SYN2: variants seen among roughly 807,000 people sequenced by gnomAD.
The protein encoded by SYN2 is synapsin II, also known as synapsin-2.
SYN2 carries 19 observed loss-of-function variants against 50.9 expected under a neutral mutation model. That is an observed-to-expected ratio of 0.37 (90% confidence interval 0.26 to 0.55). SYN2 has a LOEUF of 0.55. Among genes scored for constraint, SYN2 ranks in the 20% least tolerant of loss-of-function variants. SYN2 has a pLI of 0.81. For missense variants in SYN2, 587 were observed against 576.4 expected (o/e 1.02, Z -0.19); for synonymous variants, 255 against 224.9 (o/e 1.13, Z -1.20).
chr3:12,085,914 A>T (rs1695690981), intron 1 of SYN2, among the ~76,000 whole-genome samples: 1 of 152,118 alleles, frequency 6.6e-6, no homozygotes, highest in African/African-American at 2.4e-5. Context: ...AGAAATAGAT[A>T]AAATAGAGAC....
chr3:12,188,472 C>G (rs1014993019), intron 12 of SYN2, among the ~76,000 whole-genome samples: 1 of 152,206 alleles, frequency 6.6e-6, no homozygotes, highest in African/African-American at 2.4e-5. Context: ...GTGATACACC[C>G]CTGCTTCTCA....
intron 1 of SYN2, among the ~76,000 whole-genome samples, chr3:12,098,939 A>G (rs571208699): frequency 6.6e-6 from 1 of 151,176 alleles, no homozygotes; most frequent in African/African-American, 2.4e-5. Flanking sequence ...GACAAAATAG[A>G]CATTAGATAA....
chr3:12,179,911 G>C (rs1331000011), intron 10 of SYN2, among the ~76,000 whole-genome samples: 2 of 152,088 alleles, frequency 1.3e-5, no homozygotes, highest in East Asian at 1.9e-4. Context: ...TGAGCCTGTC[G>C]TCACTCTGTA....
At chr3:12,098,477 G>C (rs1050317639) in intron 1 of SYN2, among the ~76,000 whole-genome samples, 2 of 152,000 alleles carry the variant, frequency 1.3e-5, no homozygotes, top group African/African-American at 4.8e-5. Flanking sequence ...GTAAACTATT[G>C]TAATTGGTAT....
At position 12,025,170 on chromosome 3, in the gene SYN2, G is replaced by A. The variant is rs57829748; in HGVS notation, c.377+20242G>A. Among the ~76,000 whole-genome samples the A allele has an allele frequency of 1.3e-4, 20 of 152,130 alleles. No homozygotes were observed. The East Asian group carries it at 1.7e-3, about 13-fold the overall frequency. On this transcript the variant is annotated intron_variant, in intron 1 of 12. Transcript: ENST00000621198. ...ATAAGGACACCATTCCCATCATGGGGGGGGAGGGGCTCTCTTCTCTTGACT... is the reference window on the plus strand; with the variant it reads ...ATAAGGACACCATTCCCATCATGGGAGGGGAGGGGCTCTCTTCTCTTGACT...
intron 5 of SYN2, chr3:12,157,016 C>T: frequency 9.9e-7 from 1 of 1,014,180 alleles, no homozygotes; most frequent in African/African-American, 1.6e-5. Context: ...TCTCACTTCT[C>T]AGCCTAAAAA....
At chr3:12,104,358 A>T (rs1465725658) in intron 1 of SYN2, among the ~76,000 whole-genome samples, 1 of 152,132 alleles carries the variant, frequency 6.6e-6, no homozygotes, top group Non-Finnish European at 1.5e-5. Context: ...ATAGGCCTAC[A>T]GGGAGAAATT....
chr3:12,044,181 TCACACA>T (rs1553610019), intron 1 of SYN2, among the ~76,000 whole-genome samples: 596 of 53,340 alleles, frequency 0.011, 3 homozygotes, highest in Admixed American at 0.031. Flanking sequence ...TCTCTCTCTC[TCACACA>T]CACACACACA....
intron 1 of SYN2, among the ~76,000 whole-genome samples, chr3:12,063,617 A>G (rs1165203644): frequency 1.3e-5 from 2 of 151,994 alleles, no homozygotes; most frequent in African/African-American, 4.8e-5. Context: ...TTATGAACTC[A>G]TGTTTAGTTT....
intron 1 of SYN2, among the ~76,000 whole-genome samples, chr3:12,060,766 A>G (rs1695096302): frequency 6.6e-6 from 1 of 152,150 alleles, no homozygotes; most frequent in Non-Finnish European, 1.5e-5. Flanking sequence ...CTAGATTAAC[A>G]TAAAACTTCA....
chr3:12,081,176 T>C (rs953940421), intron 1 of SYN2, among the ~76,000 whole-genome samples: 6 of 152,186 alleles, frequency 3.9e-5, no homozygotes, highest in Non-Finnish European at 2.9e-5. Context: ...AAAATGCTCA[T>C]TGAATAAACA....
At chr3:12,153,683 G>A (rs1008518347) in intron 5 of SYN2, 2 of 1,614,048 alleles carry the variant, frequency 1.2e-6, no homozygotes, top group African/African-American at 2.7e-5. Context: ...GGGCCGAGAT[G>A]GTACAGGGTA....
At chr3:12,130,421 A>G (rs1312648223) in intron 1 of SYN2, among the ~76,000 whole-genome samples, 1 of 152,120 alleles carries the variant, frequency 6.6e-6, no homozygotes. Flanking sequence ...CTGAGTCCAA[A>G]GGCAGGAGAA....
chr3:12,116,760 G>GT (rs1696440462), intron 1 of SYN2, among the ~76,000 whole-genome samples: 1 of 151,784 alleles, frequency 6.6e-6, no homozygotes, highest in Non-Finnish European at 1.5e-5. Context: ...ATTTATTTTT[G>GT]TTTTTTTGAG....
chr3:12,076,643 T>C (rs1311477741), intron 1 of SYN2, among the ~76,000 whole-genome samples: 1 of 152,064 alleles, frequency 6.6e-6, no homozygotes, highest in Non-Finnish European at 1.5e-5. Flanking sequence ...CTAAGTGTTT[T>C]ACCCGTTTTA....
At chr3:12,183,639 C>G (rs948348054) in intron 11 of SYN2, 4 of 1,412,396 alleles carry the variant, frequency 2.8e-6, no homozygotes, top group Non-Finnish European at 3.7e-6. Context: ...GTAATGCTCA[C>G]TTATGTTTTC....
chr3:12,151,969 C>T (rs191925039), intron 5 of SYN2, among the ~76,000 whole-genome samples: 1 of 152,246 alleles, frequency 6.6e-6, no homozygotes, highest in African/African-American at 2.4e-5. Context: ...ATGTTTTTCC[C>T]GTGCAGGGAC....
chr3:12,146,699 G>A (rs1429222169), intron 4 of SYN2, among the ~76,000 whole-genome samples: 2 of 152,106 alleles, frequency 1.3e-5, no homozygotes, highest in Admixed American at 1.3e-4. Context: ...GGCCAATTTG[G>A]AAATCTAGGA....
chr3:12,099,028 C>A (rs918109359), intron 1 of SYN2, among the ~76,000 whole-genome samples: 2 of 152,006 alleles, frequency 1.3e-5, no homozygotes, highest in Admixed American at 1.3e-4. Context: ...CAATTATGAT[C>A]ATATACGCAC....
Sources: allele counts gnomAD v4.1 joint callset (sites outside exome capture counted in the v4.1 genomes callset), GRCh38; gene constraint gnomAD v4.1.1; transcripts MANE v1.5; gene names NCBI Gene and HGNC (gene_info 2026-07-23, HGNC 2026-07-21).